Variants in SOX5 observed in about 807,000 individuals in gnomAD.
SOX5 encodes transcription factor SOX-5.
SOX5 carries 9 observed loss-of-function variants against 92.0 expected under a neutral mutation model. That is an observed-to-expected ratio of 0.10 (90% CI 0.06 to 0.17). The LOEUF (loss-of-function observed/expected upper bound fraction) is 0.17, where lower values mean the gene tolerates loss of function less well. Among genes scored for constraint, SOX5 ranks in the 10% least tolerant of loss-of-function variants. The probability of loss-of-function intolerance (pLI) is 1.00; values close to 1 mark genes in which losing one functional copy is unlikely to be tolerated. For synonymous variants in SOX5, 344 were observed against 336.3 expected (o/e 1.02, Z -0.25); for missense variants, 642 against 944.5 (o/e 0.68, Z 4.20).
At chr12:23,941,255 T>C (rs1943580891) in intron 1 of SOX5, among the ~76,000 whole-genome samples, 4 of 151,586 alleles carry the variant, frequency 2.6e-5, no homozygotes, top group Non-Finnish European at 5.9e-5. Context: ...TATCTTTTAA[T>C]TTACTTATAA....
At chr12:24,165,320 C>A (rs1953273323) in intron 4 of SOX5, among the ~76,000 whole-genome samples, 1 of 151,900 alleles carries the variant, frequency 6.6e-6, no homozygotes, top group Non-Finnish European at 1.5e-5. Context: ...CAGTTCCTGC[C>A]CTGAAGATGC....
At chr12:24,274,417 CTT>C (rs1944172013) in intron 3 of SOX5, among the ~76,000 whole-genome samples, 1 of 152,156 alleles carries the variant, frequency 6.6e-6, no homozygotes, top group Non-Finnish European at 1.5e-5. Context: ...GCTTAATGAA[CTT>C]TAAACACTAG....
At chr12:24,051,976 G>A (rs562111397) in intron 4 of SOX5, among the ~76,000 whole-genome samples, 17 of 152,134 alleles carry the variant, frequency 1.1e-4, no homozygotes, top group South Asian at 8.3e-4. Context: ...CCTGTTCTCC[G>A]GCCTCATCTT....
At chr12:23,797,817 T>C (rs1347070058) in intron 3 of SOX5, among the ~76,000 whole-genome samples, 1 of 152,084 alleles carries the variant, frequency 6.6e-6, no homozygotes, top group Non-Finnish European at 1.5e-5. Context: ...CTGTACAATG[T>C]AGCCTCTCTT....
At chr12:24,296,160 G>A (rs1293999559) in intron 2 of SOX5, among the ~76,000 whole-genome samples, 2 of 152,114 alleles carry the variant, frequency 1.3e-5, no homozygotes, top group Non-Finnish European at 2.9e-5. Context: ...CTCCATCCTA[G>A]GGCACTTAGT....
chr12:24,278,265 C>A (rs1278653969), intron 2 of SOX5, among the ~76,000 whole-genome samples: 1 of 152,150 alleles, frequency 6.6e-6, no homozygotes, highest in Non-Finnish European at 1.5e-5. Context: ...CGTATAGAAG[C>A]ATTTTACTCC....
intron 4 of SOX5, among the ~76,000 whole-genome samples, chr12:23,979,714 T>TG (rs1949341348): frequency 2.7e-5 from 3 of 109,190 alleles, no homozygotes; most frequent in Non-Finnish European, 5.6e-5. Context: ...TTTGTTTTTT[T>TG]TTTTTTTTTT....
intron 10 of SOX5, among the ~76,000 whole-genome samples, chr12:23,571,138 GT>G (rs1429069201): frequency 8.1e-5 from 12 of 148,272 alleles, no homozygotes. Context: ...AACAGAAAGA[GT>G]AAGTTCCTGT....
intron 6 of SOX5, among the ~76,000 whole-genome samples, chr12:23,712,110 C>T (rs2092110136): frequency 6.6e-6 from 1 of 152,162 alleles, no homozygotes; most frequent in Non-Finnish European, 1.5e-5. Context: ...GCACCTCTCA[C>T]ATGAGAACCA....
intron 9 of SOX5, among the ~76,000 whole-genome samples, chr12:23,601,495 C>A (rs999395956): frequency 6.6e-6 from 1 of 152,080 alleles, no homozygotes; most frequent in African/African-American, 2.4e-5. Context: ...GTAGACAACA[C>A]AAAACCCTTT....
chr12:23,780,438 T>G (rs558086408), intron 3 of SOX5, among the ~76,000 whole-genome samples: 5 of 143,696 alleles, frequency 3.5e-5, no homozygotes, highest in African/African-American at 7.5e-5. Context: ...AGGTTTTTTG[T>G]TTTTTTTTTT....
chr12:24,284,034 A>G (rs1945530268), intron 2 of SOX5, among the ~76,000 whole-genome samples: 1 of 152,230 alleles, frequency 6.6e-6, no homozygotes, highest in Admixed American at 6.5e-5. Flanking sequence ...TGGACGTTGC[A>G]ATGTCCAAAG....
intron 6 of SOX5, among the ~76,000 whole-genome samples, chr12:23,678,286 A>C (rs943197825): frequency 6.6e-6 from 1 of 152,152 alleles, no homozygotes; most frequent in Non-Finnish European, 1.5e-5. Flanking sequence ...ACTTGCAAAA[A>C]TCTGAGCAAA....
rs1940786579 is a variant in SOX5 at position 23,929,075 on chromosome 12, GA to G, written c.38+20488del. Among the ~76,000 whole-genome samples the G allele has an allele frequency of 6.6e-5, 10 of 151,642 alleles. No homozygotes were observed. In the South Asian group the frequency reaches 2.1e-3, roughly 31 times the overall value. On this transcript the variant is annotated intron_variant, in intron 1 of 14. Transcript: ENST00000451604. ...ACAAAAACACAGAAAAGCTTAACAT[GA>G]AAGCCATAGCAGTATTACAAACATA...
chr12:23,626,074 T>C (rs2077742654), intron 8 of SOX5, among the ~76,000 whole-genome samples: 1 of 149,758 alleles, frequency 6.7e-6, no homozygotes, highest in African/African-American at 2.5e-5. Flanking sequence ...TAGTTAAAAA[T>C]AGAGGAAAAA....
chr12:24,421,877 C>A (rs1264525139), intron 1 of SOX5, among the ~76,000 whole-genome samples: 3 of 152,168 alleles, frequency 2.0e-5, no homozygotes, highest in Non-Finnish European at 2.9e-5. Context: ...TCAAATAACC[C>A]TCTTTCCAAC....
At chr12:24,486,659 CAT>C (rs919823400) in intron 1 of SOX5, among the ~76,000 whole-genome samples, 30 of 152,284 alleles carry the variant, frequency 2.0e-4, no homozygotes, top group African/African-American at 6.5e-4. Flanking sequence ...AAATAAGACT[CAT>C]AGAATGTAAC....
At chr12:23,869,092 T>C (rs2096845878) in intron 2 of SOX5, among the ~76,000 whole-genome samples, 1 of 152,174 alleles carries the variant, frequency 6.6e-6, no homozygotes, top group African/African-American at 2.4e-5. Context: ...AATGATAGCT[T>C]TGCAGAAGGT....
intron 1 of SOX5, among the ~76,000 whole-genome samples, chr12:24,400,973 C>A (rs1004172078): frequency 6.6e-6 from 1 of 152,206 alleles, no homozygotes; most frequent in Admixed American, 6.5e-5. Flanking sequence ...TGACCACTTA[C>A]AATCAATTTG....
Sources: gnomAD v4.1 joint callset for allele counts (sites outside exome capture counted in the v4.1 genomes callset) on GRCh38, gnomAD v4.1.1 for gene constraint, MANE v1.5 for transcripts, NCBI Gene and HGNC (gene_info 2026-07-23, HGNC 2026-07-21) for gene names.